The following MOB3B variants were observed in gnomAD, a reference collection of about 807,000 sequenced individuals.
MOB3B encodes MOB kinase activator-like 2B.
MOB3B carries 7 observed loss-of-function variants against 18.7 expected under a neutral mutation model. The ratio of observed to expected loss-of-function variants is 0.37; its 90% confidence interval spans 0.21 to 0.70. MOB3B has a LOEUF of 0.70. Among genes scored for constraint, MOB3B ranks in the 30% least tolerant of loss-of-function variants. MOB3B has a pLI of 0.52. For synonymous variants in MOB3B, 111 were observed against 99.9 expected (o/e 1.11, Z -0.66); for missense variants, 253 against 281.3 (o/e 0.90, Z 0.72).
At chr9:27,504,053 AGAGT>A (rs2131496719) in intron 1 of MOB3B, among the ~76,000 whole-genome samples, 1 of 152,366 alleles carries the variant, frequency 6.6e-6, no homozygotes, top group Non-Finnish European at 1.5e-5. Context: ...ACAGGGTCTC[AGAGT>A]GAGATTCCTG....
At chr9:27,477,302 G>A (rs2131472977) in intron 1 of MOB3B, among the ~76,000 whole-genome samples, 1 of 152,260 alleles carries the variant, frequency 6.6e-6, no homozygotes, top group African/African-American at 2.4e-5. Context: ...CCAGATACCA[G>A]CATGATTCTT....
At chr9:27,488,232 G>T (rs1819760095) in intron 1 of MOB3B, among the ~76,000 whole-genome samples, 1 of 152,162 alleles carries the variant, frequency 6.6e-6, no homozygotes. Flanking sequence ...GACTTTTCTT[G>T]CATTTAGCTC....
intron 2 of MOB3B, among the ~76,000 whole-genome samples, chr9:27,412,429 C>T (rs1227475285): frequency 6.6e-6 from 1 of 152,204 alleles, no homozygotes; most frequent in African/African-American, 2.4e-5. Flanking sequence ...TGTCACTCAA[C>T]CCATTCATGC....
At chr9:27,511,997 GTGT>G (rs3081234) in intron 1 of MOB3B, among the ~76,000 whole-genome samples, 39,542 of 151,938 alleles carry the variant, frequency 0.26, 5,265 homozygotes, top group East Asian at 0.34. Flanking sequence ...GGGACTGACA[GTGT>G]TGTGTGTCCC....
At chr9:27,441,220 G>A (rs1822590891) in intron 2 of MOB3B, among the ~76,000 whole-genome samples, 1 of 152,192 alleles carries the variant, frequency 6.6e-6, no homozygotes, top group Admixed American at 6.5e-5. Flanking sequence ...AACTTTTGCA[G>A]TTTGAGAGGC....
At chr9:27,355,005 T>C (rs1435886806) in intron 3 of MOB3B, among the ~76,000 whole-genome samples, 3 of 152,216 alleles carry the variant, frequency 2.0e-5, no homozygotes, top group Admixed American at 6.5e-5. Context: ...ACCCATGCTA[T>C]GGATGAGGAA....
intron 2 of MOB3B, among the ~76,000 whole-genome samples, chr9:27,418,103 A>AAAAAAAAAAAAAAAAAAAAAAAAAAAC (rs1822182715): frequency 6.7e-6 from 1 of 149,830 alleles, no homozygotes; most frequent in Non-Finnish European, 1.5e-5. Context: ...AAAAAAAAAA[A>AAAAAAAAAAAAAAAAAAAAAAAAAAAC]AAAAAAAAAG....
At chr9:27,507,846 T>A (rs533594212) in intron 1 of MOB3B, among the ~76,000 whole-genome samples, 18 of 152,380 alleles carry the variant, frequency 1.2e-4, no homozygotes, top group Non-Finnish European at 2.1e-4. Context: ...AACGATGATC[T>A]CCTTTCATCT....
At chr9:27,358,150 G>A (rs891941118) in intron 3 of MOB3B, among the ~76,000 whole-genome samples, 4 of 152,094 alleles carry the variant, frequency 2.6e-5, no homozygotes, top group Admixed American at 2.6e-4. Flanking sequence ...AGGACAGCCT[G>A]GCCCTAGTAC....
chr9:27,375,359 A>C (rs2089787046), intron 2 of MOB3B, among the ~76,000 whole-genome samples: 1 of 152,222 alleles, frequency 6.6e-6, no homozygotes, highest in Admixed American at 6.5e-5. Context: ...ATGAACAGAC[A>C]GACTTCTGGG....
At chr9:27,409,855 G>A (rs2131400593) in intron 2 of MOB3B, among the ~76,000 whole-genome samples, 1 of 152,128 alleles carries the variant, frequency 6.6e-6, no homozygotes, top group East Asian at 1.9e-4. Context: ...TTATCTTTAT[G>A]TGAGTTGCCT....
chr9:27,357,149 T>TATATATATATATATATATATATATA (rs1338116205), intron 3 of MOB3B, among the ~76,000 whole-genome samples: 3 of 44,374 alleles, frequency 6.8e-5, no homozygotes, highest in Non-Finnish European at 1.4e-4. Flanking sequence ...TATATATGTG[T>TATATATATATATATATATATATATA]TTTTTTTTTT....
intron 1 of MOB3B, among the ~76,000 whole-genome samples, chr9:27,487,641 G>T (rs899345185): frequency 6.6e-5 from 10 of 152,044 alleles, no homozygotes; most frequent in African/African-American, 2.2e-4. Flanking sequence ...CTTTCCAGCT[G>T]ATCTAGTAGC....
At chr9:27,519,772 C>T (rs1820295089) in intron 1 of MOB3B, among the ~76,000 whole-genome samples, 2 of 152,126 alleles carry the variant, frequency 1.3e-5, no homozygotes, top group South Asian at 2.1e-4. Context: ...ATCAGTTTCT[C>T]TATCAGGGTC....
intron 1 of MOB3B, among the ~76,000 whole-genome samples, chr9:27,491,670 G>A (rs112966702): frequency 0.032 from 4,832 of 152,280 alleles, 103 homozygotes; most frequent in Middle Eastern, 0.065. Flanking sequence ...TCAGGAGATT[G>A]AGACCATCCT....
rs1244497309 is a variant in MOB3B at position 27,327,797 on chromosome 9, T to A, written c.*2790A>T. On this transcript the variant is annotated 3_prime_UTR_variant, in exon 4 of 4. Transcript: ENST00000262244. ...TATGCAGTATCAGTGTTCAGTTTCA[T>A]GGGCGTGAAAATATTGCAGATTTAT... is the stretch of plus-strand genomic sequence containing the variant. 6.6e-6 allele frequency: 1 copy of A among 152,208 alleles called. No individual in the cohort carries two copies. The highest frequency in any genetic ancestry group is 2.4e-5 in the African/African-American group (1 of 41,450). 9.4% of individuals were successfully genotyped at this position (152,208 alleles called of 1,614,324 possible).
At chr9:27,380,707 C>T (rs1821565508) in intron 2 of MOB3B, among the ~76,000 whole-genome samples, 1 of 150,802 alleles carries the variant, frequency 6.6e-6, no homozygotes, top group African/African-American at 2.4e-5. Context: ...GTAAATCACC[C>T]TTGTTCTTGC....
intron 1 of MOB3B, among the ~76,000 whole-genome samples, chr9:27,489,659 T>A (rs1819784199): frequency 6.7e-6 from 1 of 149,232 alleles, no homozygotes; most frequent in Non-Finnish European, 1.5e-5. Context: ...TCCAGGGCAC[T>A]GGAGCTACAA....
At chr9:27,340,368 C>T (rs776095518) in intron 3 of MOB3B, among the ~76,000 whole-genome samples, 17 of 152,124 alleles carry the variant, frequency 1.1e-4, no homozygotes, top group Non-Finnish European at 7.3e-5. Context: ...AAATAAGTCA[C>T]TTTATGTAAA....
Sources: gnomAD v4.1 joint callset for allele counts (sites outside exome capture counted in the v4.1 genomes callset) on GRCh38, gnomAD v4.1.1 for gene constraint, MANE v1.5 for transcripts, NCBI Gene and HGNC (gene_info 2026-07-23, HGNC 2026-07-21) for gene names.